Variants in STK10 observed in about 807,000 individuals in gnomAD.
STK10 encodes serine/threonine-protein kinase 10.
In STK10, 78 loss-of-function variants were observed where a neutral mutation model predicts 113.8. The observed-to-expected ratio is 0.69, with a 90% CI of 0.57 to 0.83. The LOEUF (loss-of-function observed/expected upper bound fraction) is 0.83, where lower values mean the gene tolerates loss of function less well. Ranked by LOEUF, STK10 falls within the 40% of genes least tolerant of loss-of-function variation. The pLI is 0.00. For missense variants in STK10, 1,109 were observed against 1,280.1 expected, an observed-to-expected ratio of 0.87 and a Z score of 2.04; for synonymous variants, 465 against 494.7, an observed-to-expected ratio of 0.94 and a Z score of 0.80.
chr5:172,103,579 C>T (rs1199819624), intron 7 of STK10, among the ~76,000 whole-genome samples: 3 of 152,046 alleles, frequency 2.0e-5, no homozygotes, highest in Admixed American at 6.5e-5. Flanking sequence ...CAGCCCCACT[C>T]GACCCCACCC....
At position 172,059,350 on chromosome 5, in the gene STK10, G is replaced by A. The variant is rs113721957; in HGVS notation, c.2212+1789C>T. 2.6e-5 allele frequency among the ~76,000 whole-genome samples: 4 copies of A among 151,424 alleles called. No individual in the cohort carries two copies. In the East Asian group the frequency reaches 7.8e-4, roughly 29 times the overall value. On this transcript the variant is annotated intron_variant, in intron 14 of 18. Transcript: ENST00000176763. ...TAAGGCAGAAGAACTGCTTGAACCT[G>A]GGAGGTGGAGGTTGCAGTGAGCTAA...
At chr5:172,127,246 G>T in intron 3 of STK10, 127 bp downstream of exon 3, 1 of 949,244 alleles carries the variant, frequency 1.1e-6, no homozygotes, top group South Asian at 1.6e-5. Flanking sequence ...TGCTCAAAGA[G>T]GCCATGGGAA....
Position 172,082,815 on chromosome 5 carries a change from G to T in STK10, c.1809+146C>A. The T allele has an allele frequency of 7.6e-7, 1 of 1,310,168 alleles. No homozygotes were observed. The highest frequency in any genetic ancestry group is 1.0e-6 in the Non-Finnish European group (1 of 961,406). The allele number at this position is 1,310,168 out of a possible 1,614,324, so 81.2% of individuals were successfully genotyped here. A position where few individuals can be genotyped will look rare whatever the true frequency, so the allele number is the denominator to read the frequency against. ...CGGGGTTCTGTGTTAACAAGTCACTGCCTAACAAGATCGGGAAGCCCCCAG... is the reference window on the plus strand; with the variant it reads ...CGGGGTTCTGTGTTAACAAGTCACTTCCTAACAAGATCGGGAAGCCCCCAG... On this transcript the variant is annotated intron_variant, in intron 11 of 18. Coordinates refer to ENST00000176763, the MANE Select transcript of STK10 (RefSeq NM_005990.4). The surrounding 1 kb of genome is among the most constrained non-coding windows in gnomAD (Gnocchi z 4.3).
At chr5:172,075,923 G>A (rs1195606241) in intron 12 of STK10, among the ~76,000 whole-genome samples, 1 of 152,122 alleles carries the variant, frequency 6.6e-6, no homozygotes, top group Non-Finnish European at 1.5e-5. Flanking sequence ...GGAACAGTCT[G>A]GCAGTCTCTC....
At chr5:172,106,894 C>T in intron 5 of STK10, 80 bp from the exon 6 acceptor site, 1 of 1,393,854 alleles carries the variant, frequency 7.2e-7, no homozygotes, top group Non-Finnish European at 9.6e-7. Context: ...TCAAGGGCCA[C>T]CACGAGCCAC....
rs1446324954 is a variant in STK10 at position 172,187,991 on chromosome 5, T to C, written c.52A>G (p.Arg18Gly). 6.2e-7 allele frequency: 1 copy of C among 1,613,484 alleles called. No homozygotes were observed. Among genetic ancestry groups the C allele is most frequent in the East Asian group, 2.2e-5 (1 of 44,854 alleles). The stretch of plus-strand genomic sequence containing the variant: ...ACGTGCTCATATTCGCGGGACTTTC[T>C]CTTCTCGAAGGTAGACAGGCGCAGG... ...RILRLSTFEK[R>G]KSREYEHVRR... Residue 18 changes from arginine (R) to glycine (G), a missense_variant, in exon 1 of 19, where the codon AGA (arginine) becomes GGA (glycine). Coordinates refer to ENST00000176763, the MANE Select transcript of STK10 (RefSeq NM_005990.4). This position sits in a 1 kb window ranked among gnomAD's most constrained non-coding sequence, Gnocchi z 4.6.
At chr5:172,161,401 C>T (rs1291958185) in intron 1 of STK10, among the ~76,000 whole-genome samples, 2 of 150,620 alleles carry the variant, frequency 1.3e-5, no homozygotes, top group Admixed American at 1.3e-4. Flanking sequence ...TGCAGTGAGC[C>T]GAGATCACAC....
intron 1 of STK10, among the ~76,000 whole-genome samples, chr5:172,176,993 G>C (rs997557415): frequency 3.4e-4 from 51 of 152,124 alleles, no homozygotes; most frequent in African/African-American, 1.2e-3. Flanking sequence ...GGCCAACATG[G>C]TAAAACGCCA....
At chr5:172,047,233 A>G (rs1476101279) in intron 18 of STK10, among the ~76,000 whole-genome samples, 2 of 152,212 alleles carry the variant, frequency 1.3e-5, no homozygotes, top group South Asian at 2.1e-4. Context: ...AGAATTCTGC[A>G]AAGAGGCAGC....
chr5:172,138,288 A>AT (rs903626866), intron 2 of STK10, among the ~76,000 whole-genome samples: 28 of 151,944 alleles, frequency 1.8e-4, no homozygotes, highest in African/African-American at 5.3e-4. Context: ...CGCCTGGCTA[A>AT]TTTTTTTGTA....
At chr5:172,163,039 AG>A (rs1211435202) in intron 1 of STK10, among the ~76,000 whole-genome samples, 3 of 152,202 alleles carry the variant, frequency 2.0e-5, no homozygotes, top group African/African-American at 7.2e-5. Flanking sequence ...CGGACCAAAA[AG>A]TGACTTGGCC....
In STK10 at chr5:172,057,455, C is replaced by G. The variant is rs1354261544; in HGVS notation, c.2231G>C (p.Trp744Ser). The change falls in exon 15 of 19, where the codon TGG becomes TCG. Residue 744 changes from tryptophan (W) to serine (S), a missense_variant. Around this residue, in one of 5 missense-constraint regions of STK10, gnomAD observed 885 missense variants for 991.1 expected, o/e 0.89. Coordinates refer to ENST00000176763, the MANE Select transcript of STK10 (RefSeq NM_005990.4). Reference sequence around the variant, plus strand: ...CTGCAGCTGGTGCTCTTCCATCTCCCACAGGGCTGCTTCCCGGTCTGCAGA... The same window carrying G: ...CTGCAGCTGGTGCTCTTCCATCTCCGACAGGGCTGCTTCCCGGTCTGCAGA... ...ELLRDREAAL[W>S]EMEEHQLQER... 2 of 1,550,300 alleles carry G rather than the reference C, an allele frequency of 1.3e-6. No individual in the cohort carries two copies. Among genetic ancestry groups the G allele is most frequent in the African/African-American group, 2.7e-5 (2 of 73,022 alleles).
intron 1 of STK10, among the ~76,000 whole-genome samples, chr5:172,176,489 C>T (rs1016159910): frequency 5.9e-5 from 9 of 152,280 alleles, no homozygotes; most frequent in African/African-American, 1.9e-4. Flanking sequence ...TCACCAGGGT[C>T]GGTCACTCTG....
intron 15 of STK10, among the ~76,000 whole-genome samples, chr5:172,056,379 C>T (rs1250963521): frequency 6.6e-6 from 1 of 152,204 alleles, no homozygotes. Flanking sequence ...CAGACAATTC[C>T]CGCAGGAGAG....
intron 12 of STK10, among the ~76,000 whole-genome samples, chr5:172,071,166 A>T (rs947822522): frequency 7.5e-6 from 1 of 133,626 alleles, no homozygotes; most frequent in Non-Finnish European, 1.6e-5. Flanking sequence ...CTGAGATTGC[A>T]CCACTGCTCT....
chr5:172,125,002 T>C (rs904797980), intron 3 of STK10, among the ~76,000 whole-genome samples: 1 of 152,150 alleles, frequency 6.6e-6, no homozygotes, highest in Non-Finnish European at 1.5e-5. Context: ...TTTGAGAGAG[T>C]TCTAATTCCT....
At position 172,093,109 on chromosome 5, in the gene STK10, C is replaced by T. The variant is rs141310687; in HGVS notation, c.1554+303G>A. Among the ~76,000 whole-genome samples, 182 of 152,326 alleles carry T rather than the reference C, an allele frequency of 1.2e-3. No individual in the cohort carries two copies. Among genetic ancestry groups the T allele is most frequent in the African/African-American group, 4.1e-3 (170 of 41,576 alleles). The stretch of plus-strand genomic sequence containing the variant: ...GATTTACCAGTTATCAGCTGGGTCT[C>T]GTGGCTGACCTCTGGATGACAGAAC... On this transcript the variant is annotated intron_variant, in intron 9 of 18. Transcript: ENST00000176763. The surrounding 1 kb of genome is among the most constrained non-coding windows in gnomAD (Gnocchi z 4.1).
chr5:172,082,854 G>C lies in STK10; in HGVS notation c.1809+107C>G. The C allele has an allele frequency of 6.6e-7, 1 of 1,509,920 alleles. No homozygotes were observed. The highest frequency in any genetic ancestry group is 8.9e-7 in the Non-Finnish European group (1 of 1,124,928). The allele number at this position is 1,509,920 out of a possible 1,614,324, so 93.5% of individuals were successfully genotyped here. A position where few individuals can be genotyped will look rare whatever the true frequency, so the allele number is the denominator to read the frequency against. ...GGAAGCCCCCAGGAATTGGGCAATT[G>C]TTGTGAATTACTCTCCACTACCCAA... On this transcript the variant is annotated intron_variant, in intron 11 of 18. Coordinates refer to ENST00000176763, the MANE Select transcript of STK10 (RefSeq NM_005990.4). This position sits in a 1 kb window ranked among gnomAD's most constrained non-coding sequence, Gnocchi z 4.3.
intron 3 of STK10, among the ~76,000 whole-genome samples, chr5:172,118,605 C>A (rs984252779): frequency 3.9e-5 from 6 of 152,080 alleles, no homozygotes; most frequent in African/African-American, 1.4e-4. Context: ...TGGGGCCAGA[C>A]GCAGTGGCTC....
Sources: gnomAD v4.1 joint callset for allele counts (sites outside exome capture counted in the v4.1 genomes callset) on GRCh38, gnomAD v4.1.1 for gene constraint, gnomAD v4.1.1 regional missense constraint, Gnocchi (gnomAD v3.1) non-coding constraint, MANE v1.5 for transcripts, NCBI Gene and HGNC (gene_info 2026-07-23, HGNC 2026-07-21) for gene names.